The following PARVA variants were observed in gnomAD, a reference collection of about 807,000 sequenced individuals.
PARVA encodes alpha-parvin.
Under a neutral mutation model 52.6 loss-of-function variants are expected in PARVA, and 25 were observed. The ratio of observed to expected loss-of-function variants is 0.48; its 90% CI spans 0.35 to 0.66. The LOEUF (loss-of-function observed/expected upper bound fraction) is 0.66. Ranked by LOEUF, PARVA falls within the 30% of genes least tolerant of loss-of-function variation. The pLI, the probability that PARVA is intolerant of heterozygous loss-of-function variation, is 0.01. For synonymous variants in PARVA, 185 were observed against 179.1 expected (o/e 1.03, Z -0.26); for missense variants, 373 against 450.9 (o/e 0.83, Z 1.56).
At chr11:12,411,857 C>G (rs953575760) in intron 1 of PARVA, among the ~76,000 whole-genome samples, 1 of 152,158 alleles carries the variant, frequency 6.6e-6, no homozygotes, top group Non-Finnish European at 1.5e-5. Context: ...GGTCTTCTCA[C>G]TCCAAGCCCT....
intron 1 of PARVA, among the ~76,000 whole-genome samples, chr11:12,429,995 A>G (rs1940294429): frequency 6.6e-6 from 1 of 152,182 alleles, no homozygotes; most frequent in African/African-American, 2.4e-5. Context: ...GACTACAGAC[A>G]CTTTTAAATT....
intron 1 of PARVA, among the ~76,000 whole-genome samples, chr11:12,378,586 T>G (rs144394557): frequency 0.02 from 3,042 of 151,404 alleles, 37 homozygotes; most frequent in South Asian, 0.022. Flanking sequence ...TTTTTTTTTT[T>G]TTTTTTTTCA....
chr11:12,512,841 C>T (rs1359597286), intron 8 of PARVA, among the ~76,000 whole-genome samples: 1 of 151,926 alleles, frequency 6.6e-6, no homozygotes, highest in African/African-American at 2.4e-5. Flanking sequence ...CCTGGAGCTC[C>T]CTGGCTCCCA....
At chr11:12,464,663 A>C (rs547732185) in intron 1 of PARVA, among the ~76,000 whole-genome samples, 5 of 152,250 alleles carry the variant, frequency 3.3e-5, no homozygotes, top group African/African-American at 1.2e-4. Context: ...GGGTCCTCTA[A>C]CCTTCTAAAT....
At chr11:12,483,602 C>T (rs1013155054) in intron 4 of PARVA, among the ~76,000 whole-genome samples, 2 of 152,174 alleles carry the variant, frequency 1.3e-5, no homozygotes, top group Non-Finnish European at 2.9e-5. Flanking sequence ...CCTGTGGTGA[C>T]AGAGGAGAGA....
intron 1 of PARVA, among the ~76,000 whole-genome samples, chr11:12,425,367 T>C (rs561460191): frequency 2.6e-5 from 4 of 152,310 alleles, no homozygotes; most frequent in African/African-American, 7.2e-5. Flanking sequence ...CACCTCTTCA[T>C]TGGATTCCTC....
chr11:12,472,021 A>C (rs555098986), intron 1 of PARVA, among the ~76,000 whole-genome samples: 2 of 152,376 alleles, frequency 1.3e-5, no homozygotes, highest in South Asian at 4.1e-4. Context: ...GAAAACTGGT[A>C]GTTCTAGGGG....
chr11:12,400,182 G>A (rs1028838941), intron 1 of PARVA, among the ~76,000 whole-genome samples: 21 of 152,190 alleles, frequency 1.4e-4, no homozygotes, highest in Admixed American at 3.9e-4. Flanking sequence ...GTTCCCAGCC[G>A]TAGTCTATGA....
At chr11:12,386,809 C>G (rs1939578259) in intron 1 of PARVA, among the ~76,000 whole-genome samples, 1 of 152,194 alleles carries the variant, frequency 6.6e-6, no homozygotes, top group Admixed American at 6.5e-5. Context: ...TTTCACCCAG[C>G]TTCTCTCAAA....
chr11:12,485,580 T>C (rs1463827795), intron 4 of PARVA, among the ~76,000 whole-genome samples: 1 of 152,348 alleles, frequency 6.6e-6, no homozygotes, highest in South Asian at 2.1e-4. Context: ...AATAGCAGTA[T>C]TGGATTATAA....
At chr11:12,379,314 G>A (rs1162008073) in intron 1 of PARVA, among the ~76,000 whole-genome samples, 1 of 152,134 alleles carries the variant, frequency 6.6e-6, no homozygotes, top group Non-Finnish European at 1.5e-5. Context: ...CAGCCCAGTA[G>A]GTCTCACTCA....
intron 1 of PARVA, among the ~76,000 whole-genome samples, chr11:12,442,489 T>A (rs536024453): frequency 3.9e-5 from 6 of 152,154 alleles, no homozygotes; most frequent in Non-Finnish European, 8.8e-5. Flanking sequence ...AGCAAAAGAC[T>A]GCATTTTCAA....
At chr11:12,474,582 A>C in intron 3 of PARVA, among the ~76,000 whole-genome samples, 1 of 152,204 alleles carries the variant, frequency 6.6e-6, no homozygotes, top group Admixed American at 6.5e-5. Context: ...GTGTCATCCC[A>C]GCACTCTGCG....
At chr11:12,391,982 A>G (rs1939665971) in intron 1 of PARVA, among the ~76,000 whole-genome samples, 1 of 152,170 alleles carries the variant, frequency 6.6e-6, no homozygotes. Flanking sequence ...CATCCTGAAA[A>G]GCAACCCTGT....
At chr11:12,451,286 C>T (rs1483980418) in intron 1 of PARVA, among the ~76,000 whole-genome samples, 1 of 152,178 alleles carries the variant, frequency 6.6e-6, no homozygotes, top group African/African-American at 2.4e-5. Context: ...AGCATCTCAT[C>T]TCTAGCAGCT....
intron 12 of PARVA, among the ~76,000 whole-genome samples, chr11:12,522,575 C>T (rs1446371756): frequency 6.6e-6 from 1 of 151,952 alleles, no homozygotes; most frequent in Non-Finnish European, 1.5e-5. Context: ...GCCACCACCA[C>T]ACCCAGCTAA....
intron 4 of PARVA, among the ~76,000 whole-genome samples, chr11:12,493,447 T>G (rs1941257621): frequency 7.1e-6 from 1 of 140,998 alleles, no homozygotes; most frequent in Non-Finnish European, 1.6e-5. Context: ...CCAATATCAA[T>G]GCCTAAACTA....
At chr11:12,484,036 T>A (rs1278991134) in intron 4 of PARVA, among the ~76,000 whole-genome samples, 3 of 152,170 alleles carry the variant, frequency 2.0e-5, no homozygotes, top group Non-Finnish European at 4.4e-5. Context: ...CTCCATGGCA[T>A]CAATAAGAAG....
In PARVA at chr11:12,513,336, A is replaced by C. The variant is rs752209693; in HGVS notation, c.774A>C (p.Pro258=). 3.7e-6 allele frequency: 6 copies of C among 1,613,928 alleles called. No homozygotes were observed. The highest frequency in any genetic ancestry group is 5.1e-6 in the Non-Finnish European group (6 of 1,179,810). ...DAFDTLFDHA[P]DKLNVVKKTL... ...TTGACACCTTGTTCGACCATGCCCC[A>C]GACAAGCTGAATGTGGTGAAAAAGG... The change falls in exon 9 of 13, where the codon CCA becomes CCC. Residue 258 remains proline (P), a synonymous_variant. Transcript: ENST00000334956.
Sources: gnomAD v4.1 joint callset for allele counts (sites outside exome capture counted in the v4.1 genomes callset) on GRCh38, gnomAD v4.1.1 for gene constraint, MANE v1.5 for transcripts, NCBI Gene and HGNC (gene_info 2026-07-23, HGNC 2026-07-21) for gene names.